The following ANKH variants were observed in gnomAD, a reference collection of about 807,000 sequenced individuals.
ANKH encodes the protein mineralization regulator ANKH.
Under a neutral mutation model 49.0 loss-of-function variants are expected in ANKH, and 15 were observed. The observed-to-expected ratio is 0.31, with a 90% CI of 0.20 to 0.47. ANKH has a LOEUF of 0.47. Ranked by LOEUF, ANKH falls within the 20% of genes least tolerant of loss-of-function variation. The pLI, the probability that ANKH is intolerant of heterozygous loss-of-function variation, is 1.00. For synonymous variants in ANKH, 273 were observed against 260.0 expected (o/e 1.05, Z -0.48); for missense variants, 429 against 652.0 (o/e 0.66, Z 3.72).
At chr5:14,792,708 C>G (rs39916) in intron 1 of ANKH, among the ~76,000 whole-genome samples, 114,870 of 151,496 alleles carry the variant, frequency 0.76, 43,660 homozygotes, top group South Asian at 0.86. Context: ...GGCACGGTGG[C>G]TCACGCCTGT....
intron 8 of ANKH, among the ~76,000 whole-genome samples, chr5:14,730,938 G>A (rs1737979079): frequency 6.6e-6 from 1 of 152,214 alleles, no homozygotes; most frequent in South Asian, 2.1e-4. Context: ...GGGAAAAGGG[G>A]CGGTGCCTGT....
chr5:14,721,878 T>G (rs1030205507), intron 8 of ANKH, among the ~76,000 whole-genome samples: 1 of 127,106 alleles, frequency 7.9e-6, no homozygotes, highest in African/African-American at 3.1e-5. Context: ...TGCAGTGAGC[T>G]GAGATCATGC....
intron 1 of ANKH, among the ~76,000 whole-genome samples, chr5:14,783,826 T>G (rs72734714): frequency 6.6e-6 from 1 of 152,202 alleles, no homozygotes. Flanking sequence ...TGCTATTTCA[T>G]GCATACGTGA....
chr5:14,793,204 G>T (rs2126548620), intron 1 of ANKH, among the ~76,000 whole-genome samples: 1 of 150,718 alleles, frequency 6.6e-6, no homozygotes, highest in East Asian at 2.0e-4. Flanking sequence ...AGGGAGGGAT[G>T]CGTCAGCAGA....
At chr5:14,753,547 C>G (rs926293650) in intron 4 of ANKH, among the ~76,000 whole-genome samples, 4 of 152,164 alleles carry the variant, frequency 2.6e-5, no homozygotes, top group African/African-American at 9.7e-5. Flanking sequence ...AGAGGAGTGA[C>G]AGGATGGAAA....
chr5:14,871,017 G>A (rs1360748547), intron 1 of ANKH: 1 of 404,146 alleles, frequency 2.5e-6, no homozygotes, highest in Non-Finnish European at 4.9e-6. Context: ...CAGCACTTAA[G>A]CTACTAGAAA....
chr5:14,790,717 CTT>C (rs1317226530), intron 1 of ANKH, among the ~76,000 whole-genome samples: 1 of 152,228 alleles, frequency 6.6e-6, no homozygotes, highest in African/African-American at 2.4e-5. Context: ...GAGCGATTCT[CTT>C]GTCTCAGCCT....
chr5:14,821,029 T>C (rs1741184158), intron 1 of ANKH, among the ~76,000 whole-genome samples: 1 of 151,038 alleles, frequency 6.6e-6, no homozygotes, highest in Non-Finnish European at 1.5e-5. Context: ...GCTTGGGAGA[T>C]GGAGGTTGCA....
intron 2 of ANKH, among the ~76,000 whole-genome samples, chr5:14,759,599 A>AT (rs1739007398): frequency 6.6e-6 from 1 of 151,744 alleles, no homozygotes; most frequent in Admixed American, 6.6e-5. Flanking sequence ...AAAAAAAAAA[A>AT]TTTAAAAATT....
chr5:14,827,353 C>T (rs1741374293), intron 1 of ANKH, among the ~76,000 whole-genome samples: 1 of 152,192 alleles, frequency 6.6e-6, no homozygotes, highest in Admixed American at 6.5e-5. Flanking sequence ...AGGTGCACAG[C>T]CAAGGTAAGC....
At chr5:14,835,049 T>C (rs998223228) in intron 1 of ANKH, among the ~76,000 whole-genome samples, 1 of 152,216 alleles carries the variant, frequency 6.6e-6, no homozygotes, top group Non-Finnish European at 1.5e-5. Context: ...TCAGTAACAT[T>C]ACTTTAATCA....
rs1035552463 is a variant in ANKH at position 14,753,775 on chromosome 5, C to T, written c.516+2086G>A. Among the ~76,000 whole-genome samples, 3 of 152,008 alleles carry T rather than the reference C, an allele frequency of 2.0e-5. No homozygotes were observed. The East Asian group carries it at 5.8e-4, about 29-fold the overall frequency. ...AGGTTTTTGTATTATTGTGTGAAGCCCATTAACTTAGTAAAATCTGAAAAC... is the reference window on the plus strand; with the variant it reads ...AGGTTTTTGTATTATTGTGTGAAGCTCATTAACTTAGTAAAATCTGAAAAC... On this transcript the variant is annotated intron_variant, in intron 4 of 11. Transcript: ENST00000284268.
intron 1 of ANKH, among the ~76,000 whole-genome samples, chr5:14,868,263 C>A (rs1735709807): frequency 1.3e-5 from 2 of 152,048 alleles, no homozygotes; most frequent in East Asian, 1.9e-4. Flanking sequence ...TTAAAAGAAA[C>A]CATAAACTGT....
chr5:14,866,960 C>T (rs1735662988), intron 1 of ANKH, among the ~76,000 whole-genome samples: 1 of 151,850 alleles, frequency 6.6e-6, no homozygotes, highest in Admixed American at 6.6e-5. Context: ...AGTTGAAGAC[C>T]AGCCTGGGCA....
In ANKH at chr5:14,793,553, G is replaced by A. The variant is rs528989865; in HGVS notation, c.97-24362C>T. 1.5e-4 allele frequency among the ~76,000 whole-genome samples: 23 copies of A among 152,288 alleles called. 1 individual carries two copies. Among genetic ancestry groups the A allele is most frequent in the African/African-American group, 5.5e-4 (23 of 41,574 alleles). ...TAAGTGGTAAGGGGCTGAGTAACGGGAGATGAACCAGGGTGAAGAGGCAGA... is the reference window on the plus strand; with the variant it reads ...TAAGTGGTAAGGGGCTGAGTAACGGAAGATGAACCAGGGTGAAGAGGCAGA... On this transcript the variant is annotated intron_variant, in intron 1 of 11. Coordinates refer to ENST00000284268, the MANE Select transcript of ANKH (RefSeq NM_054027.6).
At chr5:14,762,780 A>C (rs1391305639) in intron 2 of ANKH, among the ~76,000 whole-genome samples, 1 of 152,244 alleles carries the variant, frequency 6.6e-6, no homozygotes, top group African/African-American at 2.4e-5. Context: ...CATAGAGTCC[A>C]TAATTACCAG....
At chr5:14,776,581 G>A (rs1258429977) in intron 1 of ANKH, among the ~76,000 whole-genome samples, 1 of 152,178 alleles carries the variant, frequency 6.6e-6, no homozygotes, top group African/African-American at 2.4e-5. Flanking sequence ...CAGTTACTTA[G>A]ATAGGAAGTG....
intron 1 of ANKH, among the ~76,000 whole-genome samples, chr5:14,838,984 G>A (rs762275612): frequency 6.6e-6 from 1 of 152,048 alleles, no homozygotes; most frequent in African/African-American, 2.4e-5. Flanking sequence ...CACTCCCTTC[G>A]AACAACAACC....
At chr5:14,835,119 T>C (rs1235223582) in intron 1 of ANKH, among the ~76,000 whole-genome samples, 1 of 152,276 alleles carries the variant, frequency 6.6e-6, no homozygotes, top group East Asian at 1.9e-4. Context: ...TATGGTGATG[T>C]AATCTTTACA....
Sources: gnomAD v4.1 joint callset for allele counts (sites outside exome capture counted in the v4.1 genomes callset) on GRCh38, gnomAD v4.1.1 for gene constraint, MANE v1.5 for transcripts, NCBI Gene and HGNC (gene_info 2026-07-23, HGNC 2026-07-21) for gene names.